Variants in C1QBP observed in about 807,000 individuals in gnomAD.
C1QBP encodes complement C1q binding protein, also known as complement component 1 Q subcomponent-binding protein, mitochondrial.
Under a neutral mutation model 29.4 loss-of-function variants are expected in C1QBP, and 24 were observed. That is an observed-to-expected ratio of 0.82 (90% CI 0.59 to 1.15). The LOEUF (loss-of-function observed/expected upper bound fraction) is 1.15. C1QBP is among the 50% of genes most tolerant of loss of function. The pLI is 0.00. For missense variants in C1QBP, 337 were observed against 355.8 expected, an observed-to-expected ratio of 0.95 and a Z score of 0.43; for synonymous variants, 182 against 149.2, an observed-to-expected ratio of 1.22 and a Z score of -1.60.
At chr17:5,438,010 C>T in intron 2 of C1QBP, 113 bp downstream of exon 2, 1 of 1,366,450 alleles carries the variant, frequency 7.3e-7, no homozygotes, top group Non-Finnish European at 9.8e-7. Context: ...TCTCTTGAAA[C>T]CCATTTATCA....
In C1QBP at chr17:5,433,717, A is replaced by G; in HGVS notation, c.528T>C (p.Asp176=). 1.2e-6 allele frequency: 2 copies of G among 1,614,238 alleles called. No individual in the cohort carries two copies. Among genetic ancestry groups the G allele is most frequent in the Non-Finnish European group, 1.7e-6 (2 of 1,180,052 alleles). ...CCAACACAAGGGCCTTCTTGCCATCATCATTCTTTATAACTTCAACCACGA... is the reference window on the plus strand; with the variant it reads ...CCAACACAAGGGCCTTCTTGCCATCGTCATTCTTTATAACTTCAACCACGA... ...PNFVVEVIKN[D]DGKKALVLDC... is the part of the protein sequence containing the mutation. Residue 176 remains aspartate (D), a synonymous_variant, in exon 4 of 6, where the codon GAT becomes GAC. Coordinates refer to ENST00000225698, the MANE Select transcript of C1QBP (RefSeq NM_001212.4).
Position 5,433,471 on chromosome 17 carries a change from G to T in C1QBP, c.577-56C>A, listed in dbSNP as rs4790264. 0.25 allele frequency: 406,576 copies of T among 1,607,124 alleles called. 63,089 individuals carry two copies. The highest frequency in any genetic ancestry group is 0.8 in the East Asian group (35,683 of 44,854). On this transcript the variant is annotated intron_variant, in intron 4 of 5. Transcript: ENST00000225698. Reference sequence around the variant, plus strand: ...GGTTCTCCAGGACAAGCTAGACTCAGGGGAAGAAAGGGGGCCACTGACAGC... The same window carrying T: ...GGTTCTCCAGGACAAGCTAGACTCATGGGAAGAAAGGGGGCCACTGACAGC...
At position 5,433,015 on chromosome 17, in the gene C1QBP, C is replaced by T. The variant is rs779901741; in HGVS notation, c.849G>A (p.Ter283=). Residue 283 remains the stop codon, a stop_retained_variant, in exon 6 of 6, where the codon TAG becomes TAA. Transcript: ENST00000225698. The part of the protein sequence containing the change: ...EDLKSFVKSQ[*] ...CTATGGCTTTCAGCATCTGTCTGCT[C>T]TACTGGCTCTTGACAAAACTCTTGA... The T allele has an allele frequency of 3.7e-6, 6 of 1,612,022 alleles. No homozygotes were observed. The highest frequency in any genetic ancestry group is 5.1e-6 in the Non-Finnish European group (6 of 1,179,446).
Position 5,438,232 on chromosome 17 carries a change from CCTT to C in C1QBP, c.271_273del (p.Lys91del). On this transcript the variant is annotated inframe_deletion, in exon 2 of 6. Transcript: ENST00000225698. The stretch of plus-strand genomic sequence containing the variant: ...TTATGCTTCTGAATTTTTCTTTCCT[CCTT>C]AATTTCATCACTCAGGAAATCAACA... 8.7e-6 allele frequency: 14 copies of C among 1,614,160 alleles called. No homozygotes were observed. Among genetic ancestry groups the C allele is most frequent in the Non-Finnish European group, 1.1e-5 (13 of 1,180,018 alleles).
In C1QBP at chr17:5,439,055, A is replaced by C; in HGVS notation, c.19T>G (p.Cys7Gly). Residue 7 changes from cysteine to glycine, a missense_variant, in exon 1 of 6, where the codon TGC becomes GGC. Physicochemically the swap from Cys to Gly is radical, Grantham distance 159. Coordinates refer to ENST00000225698, the MANE Select transcript of C1QBP (RefSeq NM_001212.4). MLPLLRCVPRVLGSSVA... is the reference protein window; with the variant it reads MLPLLRGVPRVLGSSVA... ...GAGGAGCCCAGCACACGGGGCACGC[A>C]GCGCAGCAGAGGCAGCATCGCGGAA... is the stretch of plus-strand genomic sequence containing the variant. 6.5e-7 allele frequency: 1 copy of C among 1,532,934 alleles called. No individual in the cohort carries two copies. The highest frequency in any genetic ancestry group is 1.2e-5 in the South Asian group (1 of 83,590). 95.0% of individuals were successfully genotyped at this position (1,532,934 alleles called of 1,614,324 possible). A position where few individuals can be genotyped will look rare whatever the true frequency, so the allele number is the denominator to read the frequency against.
rs761093684 is a variant in C1QBP, at chr17:5,433,329, A to G, written c.663T>C (p.Asp221=). ...FQSTGESEWK[D]TNYTLNTDSL... ...AATCTGTGTTGAGTGTATAATTAGT[A>G]TCCTTCCATTCAGACTCGCCAGTGG... Residue 221 remains aspartate (D), a synonymous_variant, in exon 5 of 6, where the codon GAT becomes GAC. Coordinates refer to ENST00000225698, the MANE Select transcript of C1QBP (RefSeq NM_001212.4). 3 of 1,614,046 alleles carry G rather than the reference A, an allele frequency of 1.9e-6. No individual in the cohort carries two copies. Among genetic ancestry groups the G allele is most frequent in the East Asian group, 4.5e-5 (2 of 44,896 alleles).
At position 5,432,892 on chromosome 17, in the gene C1QBP, G is replaced by A; in HGVS notation, c.*123C>T. The A allele has an allele frequency of 1.7e-6, 2 of 1,146,098 alleles. No homozygotes were observed. Among genetic ancestry groups the A allele is most frequent in the Non-Finnish European group, 2.4e-6 (2 of 828,194 alleles). 71.0% of individuals were successfully genotyped at this position (1,146,098 alleles called of 1,614,324 possible). A position where few individuals can be genotyped will look rare whatever the true frequency, so the allele number is the denominator to read the frequency against. ...AACACAAAACATATAATTTAAATTT[G>A]GTATTTTTTCCCCCATGATATTAGG... On this transcript the variant is annotated 3_prime_UTR_variant, in exon 6 of 6. Transcript: ENST00000225698.
At chr17:5,438,753 G>C in intron 1 of C1QBP, 89 bp downstream of exon 1, 2 of 1,542,116 alleles carry the variant, frequency 1.3e-6, no homozygotes, top group Non-Finnish European at 8.7e-7. Context: ...AAATGTCCCA[G>C]ACCTCAGAGG....
chr17:5,438,341 G>A (rs1916330985), intron 1 of C1QBP, 68 bp from the exon 2 acceptor site: 24 of 1,550,022 alleles, frequency 1.5e-5, no homozygotes, highest in Non-Finnish European at 2.0e-5. Flanking sequence ...TATTACCCAG[G>A]TTATTGCAGC....
Position 5,432,893 on chromosome 17 carries a change from G to T in C1QBP, c.*122C>A. ...ACACAAAACATATAATTTAAATTTG[G>T]TATTTTTTCCCCCATGATATTAGGA... On this transcript the variant is annotated 3_prime_UTR_variant, in exon 6 of 6. Coordinates refer to ENST00000225698, the MANE Select transcript of C1QBP (RefSeq NM_001212.4). The T allele has an allele frequency of 8.5e-7, 1 of 1,172,006 alleles. No individual in the cohort carries two copies. The highest frequency in any genetic ancestry group is 1.2e-6 in the Non-Finnish European group (1 of 851,420). 72.6% of individuals were successfully genotyped at this position (1,172,006 alleles called of 1,614,324 possible). A position where few individuals can be genotyped will look rare whatever the true frequency, so the allele number is the denominator to read the frequency against.
intron 3 of C1QBP, 79 bp from the exon 4 acceptor site, chr17:5,433,846 C>T: frequency 3.4e-6 from 4 of 1,180,472 alleles, no homozygotes; most frequent in Non-Finnish European, 5.1e-6. Flanking sequence ...TTCAGAGTGT[C>T]TGATGGCCAC....
rs139605788 is a variant in C1QBP at position 5,434,945 on chromosome 17, A to G, written c.405T>C (p.Ile135=). The G allele has an allele frequency of 5.6e-6, 9 of 1,613,960 alleles. No individual in the cohort carries two copies. The African/African-American group carries it at 9.3e-5, about 17-fold the overall frequency. ...AGEKITVTFN[I]NNSIPPTFDG... is the part of the protein sequence containing the mutation. ...CAAATGTTGGTGGGATGCTGTTGTT[A>G]ATGTTGAAAGTGACCGTGATTCTAA... is the stretch of plus-strand genomic sequence containing the variant. Residue 135 remains isoleucine (I), a synonymous_variant, in exon 3 of 6, where the codon ATT becomes ATC. Transcript: ENST00000225698.
At chr17:5,434,031 G>A (rs567785062) in intron 3 of C1QBP, 1 of 499,080 alleles carries the variant, frequency 2.0e-6, no homozygotes, top group South Asian at 2.2e-5. Context: ...GTTTATATCA[G>A]TCCCTTAACA....
Position 5,439,115 on chromosome 17 carries a change from C to T in C1QBP, c.-42G>A. On this transcript the variant is annotated 5_prime_UTR_variant, in exon 1 of 6. Coordinates refer to ENST00000225698, the MANE Select transcript of C1QBP (RefSeq NM_001212.4). ...AACACGTGCAGATGCAAAGGACAAC[C>T]CAGGCCTAGGCGCCCCGCGACCTGA... 6.5e-7 allele frequency: 1 copy of T among 1,537,178 alleles called. No individual in the cohort carries two copies.
intron 2 of C1QBP, among the ~76,000 whole-genome samples, chr17:5,437,143 T>C (rs939506536): frequency 6.6e-6 from 1 of 152,180 alleles, no homozygotes; most frequent in African/African-American, 2.4e-5. Context: ...TAATAGGTAT[T>C]GTTTGGGGAT....
At position 5,434,464 on chromosome 17, in the gene C1QBP, C is replaced by CTCTTTTT. The variant is rs1263270149; in HGVS notation, c.477+408_477+409insAAAAAGA. 1.3e-4 allele frequency among the ~76,000 whole-genome samples: 13 copies of CTCTTTTT among 97,844 alleles called. No homozygotes were observed. In the East Asian group the frequency reaches 2.3e-3, roughly 17 times the overall value. The allele number at this position is 97,844 out of a possible 152,430, so 64.2% of individuals were successfully genotyped here. ...CTTATGCCCCTGCCATTCTCTCTCT[C>CTCTTTTT]TTTTTTTTTTTTTTTTTTTTTTGAG... On this transcript the variant is annotated intron_variant, in intron 3 of 5. Coordinates refer to ENST00000225698, the MANE Select transcript of C1QBP (RefSeq NM_001212.4).
chr17:5,435,042 A>G (rs553962290), intron 2 of C1QBP, 76 bp from the exon 3 acceptor site: 7 of 1,270,812 alleles, frequency 5.5e-6, no homozygotes, highest in African/African-American at 2.9e-5. Flanking sequence ...ACACATAAAC[A>G]TGGAAATCTG....
At chr17:5,438,397 T>A in intron 1 of C1QBP, 124 bp from the exon 2 acceptor site, 1 of 1,194,470 alleles carries the variant, frequency 8.4e-7, no homozygotes, top group Non-Finnish European at 1.1e-6. Flanking sequence ...ACGGTTACTC[T>A]AGAAGCCTGT....
chr17:5,436,978 T>G (rs1007233864), intron 2 of C1QBP, among the ~76,000 whole-genome samples: 7 of 152,056 alleles, frequency 4.6e-5, no homozygotes, highest in South Asian at 2.1e-4. Context: ...CTGCACTCCA[T>G]CCTGGGTGAC....
Sources: allele counts gnomAD v4.1 joint callset (sites outside exome capture counted in the v4.1 genomes callset), GRCh38; gene constraint gnomAD v4.1.1; transcripts MANE v1.5; gene names NCBI Gene and HGNC (gene_info 2026-07-23, HGNC 2026-07-21).